Variants in CCDC91 observed in about 807,000 individuals in gnomAD.
The protein encoded by CCDC91 is coiled-coil domain containing 91, also known as coiled-coil domain-containing protein 91.
Under a neutral mutation model 63.2 loss-of-function variants are expected in CCDC91, and 48 were observed. The ratio of observed to expected loss-of-function variants is 0.76; its 90% CI spans 0.60 to 0.97. CCDC91 has a LOEUF of 0.97. Among genes scored for constraint, CCDC91 ranks in the 50% least tolerant of loss-of-function variants. The probability of loss-of-function intolerance (pLI) is 0.00; values close to 1 mark genes in which losing one functional copy is unlikely to be tolerated. For synonymous variants in CCDC91, 167 were observed against 165.8 expected, an observed-to-expected ratio of 1.01 and a Z score of -0.06; for missense variants, 500 against 494.6, an observed-to-expected ratio of 1.01 and a Z score of -0.10.
At chr12:28,506,320 G>A (rs1938709038) in intron 12 of CCDC91, among the ~76,000 whole-genome samples, 1 of 151,846 alleles carries the variant, frequency 6.6e-6, no homozygotes. Flanking sequence ...AAATAAACTG[G>A]CCAGGGCACC....
chr12:28,298,119 A>G (rs1190100960), intron 3 of CCDC91, among the ~76,000 whole-genome samples: 1 of 51,924 alleles, frequency 1.9e-5, no homozygotes, highest in African/African-American at 5.8e-5. Flanking sequence ...CACAGATGCT[A>G]TTCATTTGTT....
intron 7 of CCDC91, among the ~76,000 whole-genome samples, chr12:28,383,560 T>C (rs1393059103): frequency 1.3e-5 from 2 of 152,102 alleles, no homozygotes; most frequent in Non-Finnish European, 2.9e-5. Flanking sequence ...TTCCCAAAGG[T>C]TGAGTTCACA....
At chr12:28,322,133 G>A (rs1370262586) in intron 6 of CCDC91, among the ~76,000 whole-genome samples, 1 of 151,742 alleles carries the variant, frequency 6.6e-6, no homozygotes, top group East Asian at 1.9e-4. Context: ...TTTAGCTATA[G>A]ATACAGTGTA....
rs755256128 is a variant in CCDC91, at chr12:28,420,724, T to C, written c.762+29313T>C. On this transcript the variant is annotated intron_variant, in intron 8 of 12. Coordinates refer to ENST00000536442, the MANE Select transcript of CCDC91 (RefSeq NM_018318.5). ...TAGATTATATGACATCTTCCTGTTTTCACTTAACAGTGTTGCAGGTGTGCA... is the reference window on the plus strand; with the variant it reads ...TAGATTATATGACATCTTCCTGTTTCCACTTAACAGTGTTGCAGGTGTGCA... 1.6e-4 allele frequency among the ~76,000 whole-genome samples: 24 copies of C among 151,786 alleles called. 1 individual carries two copies. Among genetic ancestry groups the C allele is most frequent in the Admixed American group, 2.0e-4 (3 of 15,210 alleles).
Position 28,444,456 on chromosome 12 carries a change from G to A in CCDC91, c.763-5705G>A, listed in dbSNP as rs370311109. Among the ~76,000 whole-genome samples, 29 of 152,224 alleles carry A rather than the reference G, an allele frequency of 1.9e-4. No individual in the cohort carries two copies. In the South Asian group the frequency reaches 4.1e-3, roughly 22 times the overall value. On this transcript the variant is annotated intron_variant, in intron 8 of 12. Coordinates refer to ENST00000536442, the MANE Select transcript of CCDC91 (RefSeq NM_018318.5). Reference sequence around the variant, plus strand: ...AGAATAGTACCAATATAAGTCCCGCGGAGGTACTTCCTCTGCCATTTTAAG... The same window carrying A: ...AGAATAGTACCAATATAAGTCCCGCAGAGGTACTTCCTCTGCCATTTTAAG...
intron 11 of CCDC91, among the ~76,000 whole-genome samples, chr12:28,477,098 G>A (rs150463442): frequency 1.3e-5 from 2 of 152,078 alleles, no homozygotes; most frequent in Non-Finnish European, 2.9e-5. Context: ...ATAGAAAAAG[G>A]GAATCCTGCC....
intron 1 of CCDC91, among the ~76,000 whole-genome samples, chr12:28,232,387 T>C (rs979849401): frequency 6.6e-6 from 1 of 152,128 alleles, no homozygotes; most frequent in Non-Finnish European, 1.5e-5. Context: ...AGTTTGAATA[T>C]TGCAGGTACC....
intron 12 of CCDC91, among the ~76,000 whole-genome samples, chr12:28,512,812 G>C (rs1221782657): frequency 6.6e-6 from 1 of 151,854 alleles, no homozygotes; most frequent in Non-Finnish European, 1.5e-5. Flanking sequence ...CAAGTTGTAT[G>C]GTACGGAAGG....
At chr12:28,308,212 C>G (rs1787821211) in intron 6 of CCDC91, among the ~76,000 whole-genome samples, 1 of 151,954 alleles carries the variant, frequency 6.6e-6, no homozygotes, top group Non-Finnish European at 1.5e-5. Flanking sequence ...CTAAAACTAA[C>G]TCATTCCTTT....
intron 7 of CCDC91, among the ~76,000 whole-genome samples, chr12:28,365,169 A>T (rs1944193266): frequency 6.6e-6 from 1 of 152,220 alleles, no homozygotes; most frequent in South Asian, 2.1e-4. Context: ...TGAAAATTTT[A>T]CATTTCTCTT....
intron 6 of CCDC91, among the ~76,000 whole-genome samples, chr12:28,348,749 G>A (rs193021703): frequency 1.3e-4 from 19 of 151,316 alleles, no homozygotes; most frequent in Non-Finnish European, 2.1e-4. Context: ...TTTTAGTCAG[G>A]GTCTCGCTCT....
At chr12:28,489,705 T>A (rs1253429797) in intron 12 of CCDC91, among the ~76,000 whole-genome samples, 16 of 151,936 alleles carry the variant, frequency 1.1e-4, no homozygotes, top group Admixed American at 6.6e-4. Context: ...CAATTTTCTT[T>A]ACTTCAAAGG....
intron 1 of CCDC91, among the ~76,000 whole-genome samples, chr12:28,221,346 C>G (rs1033016511): frequency 2.0e-5 from 3 of 151,932 alleles, no homozygotes; most frequent in Non-Finnish European, 4.4e-5. Flanking sequence ...TCCGCTGATT[C>G]TCTCCATCTC....
intron 8 of CCDC91, among the ~76,000 whole-genome samples, chr12:28,438,779 T>C (rs1486788062): frequency 6.6e-6 from 1 of 152,144 alleles, no homozygotes; most frequent in Non-Finnish European, 1.5e-5. Context: ...TTATGATATT[T>C]TTGACATAGA....
chr12:28,409,169 G>T (rs1002032205), intron 8 of CCDC91, among the ~76,000 whole-genome samples: 4 of 152,082 alleles, frequency 2.6e-5, no homozygotes, highest in African/African-American at 9.7e-5. Context: ...CCTTTTGCTT[G>T]ATCATAAGAA....
chr12:28,228,653 G>A (rs1944417391), intron 1 of CCDC91, among the ~76,000 whole-genome samples: 1 of 152,008 alleles, frequency 6.6e-6, no homozygotes, highest in African/African-American at 2.4e-5. Context: ...ACTTTCATTT[G>A]TCTGTTCTCT....
intron 10 of CCDC91, among the ~76,000 whole-genome samples, chr12:28,452,238 A>C (rs1949840520): frequency 6.6e-6 from 1 of 151,518 alleles, no homozygotes; most frequent in African/African-American, 2.4e-5. Context: ...CTGCTACTCC[A>C]CCCTAAGGCC....
intron 8 of CCDC91, among the ~76,000 whole-genome samples, chr12:28,408,983 A>C (rs912037796): frequency 7.9e-5 from 12 of 152,190 alleles, no homozygotes; most frequent in African/African-American, 2.7e-4. Flanking sequence ...TGTTAGTTTT[A>C]GCAGCATTTT....
chr12:28,405,721 T>C (rs1201959932), intron 8 of CCDC91, among the ~76,000 whole-genome samples: 2 of 152,156 alleles, frequency 1.3e-5, no homozygotes, highest in African/African-American at 4.8e-5. Context: ...TAAAGTTCTG[T>C]ATTTTGGTTT....
Sources: allele counts gnomAD v4.1 joint callset (sites outside exome capture counted in the v4.1 genomes callset), GRCh38; gene constraint gnomAD v4.1.1; transcripts MANE v1.5; gene names NCBI Gene and HGNC (gene_info 2026-07-23, HGNC 2026-07-21).